Variants in ITSN1 observed in about 807,000 individuals in gnomAD.
The protein encoded by ITSN1 is intersectin 1.
ITSN1 carries 58 observed loss-of-function variants against 239.8 expected under a neutral mutation model. The ratio of observed to expected loss-of-function variants is 0.24; its 90% confidence interval spans 0.20 to 0.30. ITSN1 has a LOEUF of 0.30. Ranked by LOEUF, ITSN1 falls within the 10% of genes least tolerant of loss-of-function variation. The probability of loss-of-function intolerance (pLI) is 1.00; values close to 1 mark genes in which losing one functional copy is unlikely to be tolerated. For missense variants in ITSN1, 1,558 were observed against 2,103.3 expected (o/e 0.74, Z 5.07); for synonymous variants, 780 against 770.8 (o/e 1.01, Z -0.20).
intron 1 of ITSN1, among the ~76,000 whole-genome samples, chr21:33,703,079 C>CTG (rs1479310883): frequency 1.5e-4 from 19 of 126,948 alleles, no homozygotes; most frequent in Admixed American, 5.7e-4. Context: ...GAGCGAGACT[C>CTG]TGTCTGTGTG....
intron 1 of ITSN1, among the ~76,000 whole-genome samples, chr21:33,660,148 C>T (rs144151748): frequency 1.3e-5 from 2 of 152,316 alleles, no homozygotes; most frequent in East Asian, 3.9e-4. Context: ...TACTACTTTG[C>T]TCTTAATGGT....
intron 10 of ITSN1, 59 bp downstream of exon 10, chr21:33,766,071 G>A (rs1464077694): frequency 6.3e-7 from 1 of 1,582,140 alleles, no homozygotes; most frequent in Admixed American, 1.7e-5. Context: ...TCCAAACTTG[G>A]CTTTATTGAC....
At chr21:33,742,373 A>C (rs1489914781) in intron 5 of ITSN1, among the ~76,000 whole-genome samples, 2 of 152,188 alleles carry the variant, frequency 1.3e-5, no homozygotes, top group Non-Finnish European at 2.9e-5. Context: ...AAAATTTTAC[A>C]CAAGTAATAC....
intron 1 of ITSN1, among the ~76,000 whole-genome samples, chr21:33,706,889 A>C (rs1379254362): frequency 6.6e-6 from 1 of 151,922 alleles, no homozygotes; most frequent in African/African-American, 2.4e-5. Flanking sequence ...CGCCCAGCTA[A>C]TTTTTGTATT....
chr21:33,847,025 C>T (rs916610486), intron 29 of ITSN1, among the ~76,000 whole-genome samples: 4 of 152,226 alleles, frequency 2.6e-5, no homozygotes, highest in Non-Finnish European at 5.9e-5. Context: ...CGGATCTATG[C>T]AGCCGCTGTG....
intron 1 of ITSN1, among the ~76,000 whole-genome samples, chr21:33,681,004 C>G (rs1453314104): frequency 6.6e-6 from 1 of 152,294 alleles, no homozygotes; most frequent in African/African-American, 2.4e-5. Context: ...GTTTAAGGCT[C>G]TTTGTGGGCT....
chr21:33,877,768 AG>A (rs1277370879), intron 34 of ITSN1, among the ~76,000 whole-genome samples: 1 of 151,870 alleles, frequency 6.6e-6, no homozygotes, highest in East Asian at 1.9e-4. Flanking sequence ...TGATCTTCCA[AG>A]GTTCCTATTT....
At chr21:33,659,887 T>C (rs2146247615) in intron 1 of ITSN1, among the ~76,000 whole-genome samples, 1 of 151,542 alleles carries the variant, frequency 6.6e-6, no homozygotes, top group Middle Eastern at 3.4e-3. Context: ...ACCTGGCTAA[T>C]TTAAAAAAAA....
chr21:33,681,862 G>A (rs1204406312), intron 1 of ITSN1, among the ~76,000 whole-genome samples: 1 of 151,550 alleles, frequency 6.6e-6, no homozygotes, highest in Non-Finnish European at 1.5e-5. Flanking sequence ...TAGTAGAGGG[G>A]TTTCACCGTG....
chr21:33,709,378 T>C (rs1286925764), intron 1 of ITSN1, among the ~76,000 whole-genome samples: 1 of 152,202 alleles, frequency 6.6e-6, no homozygotes, highest in Non-Finnish European at 1.5e-5. Context: ...TTCACTCTTG[T>C]TGCCCAGGCT....
chr21:33,837,177 T>G (rs1213504083), intron 29 of ITSN1: 6 of 1,335,760 alleles, frequency 4.5e-6, no homozygotes, highest in Non-Finnish European at 4.8e-6. Flanking sequence ...TAGTTGCATG[T>G]GATCGCAATG....
intron 8 of ITSN1, among the ~76,000 whole-genome samples, chr21:33,755,791 A>G (rs2067863925): frequency 6.6e-6 from 1 of 151,718 alleles, no homozygotes; most frequent in Admixed American, 6.5e-5. Flanking sequence ...AAAAGCAGGG[A>G]GTTGAGAACA....
At chr21:33,877,728 C>G (rs562850139) in intron 34 of ITSN1, among the ~76,000 whole-genome samples, 75 of 152,098 alleles carry the variant, frequency 4.9e-4, no homozygotes, top group Non-Finnish European at 8.5e-4. Context: ...CAAGAGAGAC[C>G]CTCAAAGCTA....
intron 14 of ITSN1, among the ~76,000 whole-genome samples, chr21:33,778,821 G>T (rs907524991): frequency 7.1e-6 from 1 of 140,654 alleles, no homozygotes; most frequent in South Asian, 2.1e-4. Flanking sequence ...CTCGTGATCC[G>T]CCCGCCTCGG....
chr21:33,794,294 A>T, intron 16 of ITSN1, 47 bp from the exon 17 acceptor site: 1 of 1,366,252 alleles, frequency 7.3e-7, no homozygotes, highest in South Asian at 1.2e-5. Context: ...TAGTTGATGT[A>T]CCTGTCACTC....
At chr21:33,863,139 C>T (rs956356401) in intron 31 of ITSN1, among the ~76,000 whole-genome samples, 6 of 152,164 alleles carry the variant, frequency 3.9e-5, no homozygotes, top group African/African-American at 1.4e-4. Context: ...TTTGCCTATA[C>T]AGTAGACCAT....
At chr21:33,841,226 A>G (rs2074811999) in intron 29 of ITSN1, among the ~76,000 whole-genome samples, 1 of 152,252 alleles carries the variant, frequency 6.6e-6, no homozygotes, top group Non-Finnish European at 1.5e-5. Flanking sequence ...TGGGTTATCT[A>G]TGCTTTCAGC....
chr21:33,655,710 G>A (rs2089002527), intron 1 of ITSN1, among the ~76,000 whole-genome samples: 1 of 151,664 alleles, frequency 6.6e-6, no homozygotes, highest in Non-Finnish European at 1.5e-5. Flanking sequence ...TGGAATTACA[G>A]GCGTGAGCCA....
At position 33,859,042 on chromosome 21, in the gene ITSN1, A is replaced by G. The variant is rs1728507811; in HGVS notation, c.3890+250A>G. ...CCCAGAGCCTGCTGTTGGGTGAATT[A>G]CTGTGGTTGTGAATTTCCAGGGCTA... is the stretch of plus-strand genomic sequence containing the variant. On this transcript the variant is annotated intron_variant, in intron 31 of 39. Transcript: ENST00000381318. 2.0e-5 allele frequency among the ~76,000 whole-genome samples: 3 copies of G among 152,006 alleles called. No homozygotes were observed. In the South Asian group the frequency reaches 6.2e-4, roughly 32 times the overall value.
Sources: allele counts gnomAD v4.1 joint callset (sites outside exome capture counted in the v4.1 genomes callset), GRCh38; gene constraint gnomAD v4.1.1; transcripts MANE v1.5; gene names NCBI Gene and HGNC (gene_info 2026-07-23, HGNC 2026-07-21).